AMPH: variants seen among roughly 807,000 people sequenced by gnomAD.
AMPH encodes amphiphysin.
A neutral mutation model predicts 99.1 loss-of-function variants in AMPH; 49 were observed. The ratio of observed to expected loss-of-function variants is 0.49; its 90% CI spans 0.39 to 0.63. The LOEUF (loss-of-function observed/expected upper bound fraction) is 0.63, where lower values mean the gene tolerates loss of function less well. Among genes scored for constraint, AMPH ranks in the 20% least tolerant of loss-of-function variants. The pLI is 0.00. For missense variants in AMPH, 759 were observed against 863.4 expected (o/e 0.88, Z 1.52); for synonymous variants, 314 against 317.3 (o/e 0.99, Z 0.11).
At chr7:38,439,627 A>G (rs1786425474) in intron 11 of AMPH, among the ~76,000 whole-genome samples, 2 of 152,230 alleles carry the variant, frequency 1.3e-5, no homozygotes, top group African/African-American at 4.8e-5. Context: ...TATGGTCTCA[A>G]CATTCTTAGC....
At chr7:38,423,132 T>C (rs1785652554) in intron 15 of AMPH, among the ~76,000 whole-genome samples, 1 of 152,226 alleles carries the variant, frequency 6.6e-6, no homozygotes, top group African/African-American at 2.4e-5. Flanking sequence ...CAGAAGTTAG[T>C]GGTTGAAGCT....
intron 1 of AMPH, among the ~76,000 whole-genome samples, chr7:38,593,931 C>T (rs1792952951): frequency 6.6e-6 from 1 of 152,156 alleles, no homozygotes; most frequent in African/African-American, 2.4e-5. Flanking sequence ...AGGGAACAAG[C>T]AGCTAGGTGA....
rs550433665 is a variant in AMPH, at chr7:38,627,154, G to A, written c.69+4129C>T. Among the ~76,000 whole-genome samples the A allele has an allele frequency of 1.7e-4, 26 of 152,104 alleles. No homozygotes were observed. In the South Asian group the frequency reaches 5.2e-3, roughly 30 times the overall value. On this transcript the variant is annotated intron_variant, in intron 1 of 20. Coordinates refer to ENST00000356264, the MANE Select transcript of AMPH (RefSeq NM_001635.4). ...GCCCAATTCAACCAGTCCAACCCGT[G>A]GTCTTGGCCCTTGCTCTCAGAGATG...
chr7:38,384,657 T>TA lies in AMPH; in HGVS notation c.*160dup, dbSNP rs1784301947. Reference sequence around the variant, plus strand: ...TTCCTTAATTTACTTTTTTTCCTCTTACATTTTTTTGCACACATGCTCCAT... The same window carrying TA: ...TTCCTTAATTTACTTTTTTTCCTCTTAACATTTTTTTGCACACATGCTCCAT... On this transcript the variant is annotated 3_prime_UTR_variant, in exon 21 of 21. Coordinates refer to ENST00000356264, the MANE Select transcript of AMPH (RefSeq NM_001635.4). 5.3e-6 allele frequency: 3 copies of TA among 570,900 alleles called. No homozygotes were observed. Among genetic ancestry groups the TA allele is most frequent in the Non-Finnish European group, 9.3e-6 (3 of 321,710 alleles). 35.4% of individuals were successfully genotyped at this position (570,900 alleles called of 1,614,324 possible).
intron 1 of AMPH, among the ~76,000 whole-genome samples, chr7:38,582,335 C>T (rs1286658152): frequency 6.6e-6 from 1 of 152,120 alleles, no homozygotes; most frequent in African/African-American, 2.4e-5. Context: ...GTTTAAGTGC[C>T]ATGGTCATGT....
chr7:38,468,665 C>G (rs1347887264), intron 7 of AMPH, among the ~76,000 whole-genome samples: 1 of 152,120 alleles, frequency 6.6e-6, no homozygotes, highest in Non-Finnish European at 1.5e-5. Context: ...AGTCAGAGAT[C>G]CTGCAAAGAG....
intron 1 of AMPH, among the ~76,000 whole-genome samples, chr7:38,560,592 C>T (rs547700607): frequency 1.4e-4 from 21 of 152,318 alleles, no homozygotes; most frequent in Admixed American, 1.3e-3. Context: ...GGCCACATTC[C>T]TCTCATCCAG....
At chr7:38,602,893 TC>T (rs758456829) in intron 1 of AMPH, among the ~76,000 whole-genome samples, 2 of 152,082 alleles carry the variant, frequency 1.3e-5, no homozygotes, top group African/African-American at 2.4e-5. Flanking sequence ...AGACACATTC[TC>T]CAAAATTACT....
intron 3 of AMPH, among the ~76,000 whole-genome samples, chr7:38,502,304 T>C (rs1034767959): frequency 2.0e-5 from 3 of 152,220 alleles, no homozygotes; most frequent in African/African-American, 7.2e-5. Flanking sequence ...TTCTAGTACT[T>C]TAGCACATTT....
intron 5 of AMPH, among the ~76,000 whole-genome samples, chr7:38,483,796 A>G (rs1788383567): frequency 6.6e-6 from 1 of 152,212 alleles, no homozygotes; most frequent in Non-Finnish European, 1.5e-5. Context: ...GAAACAAAAT[A>G]AATTTACAAA....
At chr7:38,417,655 T>C (rs111784215) in intron 17 of AMPH, among the ~76,000 whole-genome samples, 170 bp downstream of exon 17, 3 of 152,150 alleles carry the variant, frequency 2.0e-5, no homozygotes, top group Admixed American at 1.3e-4. Context: ...TCTTCCTTAA[T>C]AAAAAATGAA....
intron 1 of AMPH, among the ~76,000 whole-genome samples, chr7:38,571,545 AATAT>A (rs1170607338): frequency 2.1e-5 from 3 of 140,734 alleles, no homozygotes; most frequent in African/African-American, 5.2e-5. Flanking sequence ...ATTCTGTATA[AATAT>A]ATATATTTAT....
intron 17 of AMPH, among the ~76,000 whole-genome samples, chr7:38,414,752 C>T (rs188108091): frequency 6.6e-6 from 1 of 152,188 alleles, no homozygotes; most frequent in East Asian, 1.9e-4. Flanking sequence ...TGCACCTCTG[C>T]CTTCTGGGTT....
chr7:38,550,978 G>T (rs1237093074), intron 1 of AMPH, among the ~76,000 whole-genome samples: 1 of 152,066 alleles, frequency 6.6e-6, no homozygotes, highest in Non-Finnish European at 1.5e-5. Flanking sequence ...TCACATAAAT[G>T]AAACAGTAAC....
intron 1 of AMPH, among the ~76,000 whole-genome samples, chr7:38,614,161 AT>A (rs1793786480): frequency 6.6e-6 from 1 of 152,198 alleles, no homozygotes; most frequent in Admixed American, 6.5e-5. Context: ...CTAGCCACAA[AT>A]GATGCTGTGA....
chr7:38,538,727 A>C (rs1584221406), intron 1 of AMPH, among the ~76,000 whole-genome samples: 1 of 152,344 alleles, frequency 6.6e-6, no homozygotes, highest in East Asian at 1.9e-4. Context: ...AACATAATGC[A>C]CAGTACATAA....
intron 1 of AMPH, among the ~76,000 whole-genome samples, chr7:38,602,340 A>G (rs1584293120): frequency 6.6e-6 from 1 of 152,326 alleles, no homozygotes; most frequent in Non-Finnish European, 1.5e-5. Flanking sequence ...TTGTGGCTGG[A>G]AACAACACAA....
In AMPH at chr7:38,413,721, T is replaced by C. The variant is rs570480215; in HGVS notation, c.1398+4104A>G. ...AAAGAAAAATCCATATGTATGTTTC[T>C]TGACATCTTAAAGCATGCTTCAGTG... On this transcript the variant is annotated intron_variant, in intron 17 of 20. Coordinates refer to ENST00000356264, the MANE Select transcript of AMPH (RefSeq NM_001635.4). 8.7e-4 allele frequency among the ~76,000 whole-genome samples: 132 copies of C among 152,344 alleles called. 1 individual carries two copies. The highest frequency in any genetic ancestry group is 2.8e-3 in the Admixed American group (43 of 15,304).
chr7:38,601,771 G>T (rs1793255292), intron 1 of AMPH, among the ~76,000 whole-genome samples: 1 of 152,162 alleles, frequency 6.6e-6, no homozygotes, highest in African/African-American at 2.4e-5. Context: ...CTGAGTGTCT[G>T]TTTTCACTTT....
Sources: allele counts gnomAD v4.1 joint callset (sites outside exome capture counted in the v4.1 genomes callset), GRCh38; gene constraint gnomAD v4.1.1; transcripts MANE v1.5; gene names NCBI Gene and HGNC (gene_info 2026-07-23, HGNC 2026-07-21).